Variants in NTRK2 observed in about 807,000 individuals in gnomAD.
NTRK2 encodes neurotrophic receptor tyrosine kinase 2, also known as BDNF/NT-3 growth factors receptor.
NTRK2 carries 13 observed loss-of-function variants against 94.5 expected under a neutral mutation model. The observed-to-expected ratio is 0.14, with a 90% confidence interval of 0.09 to 0.22. The LOEUF is 0.22. Ranked by LOEUF, NTRK2 falls within the 10% of genes least tolerant of loss-of-function variation. The pLI is 1.00. For synonymous variants in NTRK2, 372 were observed against 407.4 expected (o/e 0.91, Z 1.05); for missense variants, 639 against 1,071.2 (o/e 0.60, Z 5.63).
intron 17 of NTRK2, among the ~76,000 whole-genome samples, chr9:85,013,777 C>G (rs1831904300): frequency 3.9e-5 from 6 of 152,204 alleles, no homozygotes. Flanking sequence ...AAGCCTCTGA[C>G]AGCTAATCAT....
chr9:84,981,242 A>T (rs994067892), intron 17 of NTRK2, among the ~76,000 whole-genome samples: 21 of 139,178 alleles, frequency 1.5e-4, no homozygotes, highest in African/African-American at 5.6e-4. Context: ...CACCATGCCC[A>T]GCCGGTTTTG....
chr9:85,021,131 A>G (rs1444035347), intron 18 of NTRK2, 121 bp from the exon 19 acceptor site: 1 of 837,578 alleles, frequency 1.2e-6, no homozygotes, highest in Non-Finnish European at 2.0e-6. Context: ...TTCTGAGAAA[A>G]CAAAACCAAG....
intron 12 of NTRK2, chr9:84,811,607 G>A (rs1180399462): frequency 1.9e-6 from 2 of 1,065,418 alleles, no homozygotes; most frequent in African/African-American, 3.3e-5. Context: ...AGCAGGAGAG[G>A]AGATTCTAAG....
intron 17 of NTRK2, among the ~76,000 whole-genome samples, chr9:85,013,658 G>T (rs769781605): frequency 1.3e-5 from 2 of 152,138 alleles, no homozygotes; most frequent in African/African-American, 2.4e-5. Flanking sequence ...AAGTTTAAAG[G>T]TTCATGAATT....
intron 12 of NTRK2, among the ~76,000 whole-genome samples, chr9:84,807,336 A>G (rs1377818809): frequency 1.3e-5 from 2 of 152,194 alleles, no homozygotes; most frequent in African/African-American, 4.8e-5. Flanking sequence ...GAAAAGGTCA[A>G]TGAGTAGATC....
intron 12 of NTRK2, among the ~76,000 whole-genome samples, chr9:84,825,973 G>A (rs2073158560): frequency 6.6e-6 from 1 of 152,204 alleles, no homozygotes; most frequent in African/African-American, 2.4e-5. Flanking sequence ...ATAGCTGAAA[G>A]GCTGAATCAG....
intron 2 of NTRK2, among the ~76,000 whole-genome samples, chr9:84,692,700 C>T (rs538543489): frequency 1.4e-3 from 219 of 152,092 alleles, no homozygotes; most frequent in African/African-American, 5.0e-3. Context: ...CTCCTGACCT[C>T]GGGTGATCTG....
chr9:84,829,140 A>T (rs2073373743), intron 12 of NTRK2, among the ~76,000 whole-genome samples: 1 of 152,072 alleles, frequency 6.6e-6, no homozygotes, highest in South Asian at 2.1e-4. Flanking sequence ...CTGGGATTAC[A>T]GGCGGGTGCC....
intron 6 of NTRK2, among the ~76,000 whole-genome samples, chr9:84,719,010 TTCTC>T (rs1251589835): frequency 2.0e-5 from 3 of 152,142 alleles, no homozygotes; most frequent in African/African-American, 7.2e-5. Flanking sequence ...GTGATACAAT[TTCTC>T]TATAAATAAA....
chr9:84,874,399 C>T, intron 14 of NTRK2: 1 of 1,065,498 alleles, frequency 9.4e-7, no homozygotes, highest in African/African-American at 1.6e-5. Context: ...TTTTCTCTGT[C>T]TTTACTAATT....
At chr9:84,968,174 C>T (rs1825775842) in intron 17 of NTRK2, among the ~76,000 whole-genome samples, 2 of 152,122 alleles carry the variant, frequency 1.3e-5, no homozygotes, top group South Asian at 4.2e-4. Context: ...CCTGAAGTGC[C>T]CTCCCTTATG....
At chr9:84,933,479 G>A (rs1396918925) in intron 14 of NTRK2, among the ~76,000 whole-genome samples, 1 of 152,174 alleles carries the variant, frequency 6.6e-6, no homozygotes, top group Non-Finnish European at 1.5e-5. Flanking sequence ...TCTTGTCCTG[G>A]GATTCATCTG....
At chr9:84,964,367 C>T (rs1012635801) in intron 17 of NTRK2, among the ~76,000 whole-genome samples, 4 of 152,184 alleles carry the variant, frequency 2.6e-5, no homozygotes, top group East Asian at 1.9e-4. Context: ...CCCATGAATC[C>T]GGAGGTCCTC....
Position 84,727,811 on chromosome 9 carries a change from C to G in NTRK2, c.1011C>G (p.Thr337=), listed in dbSNP as rs373343021. 1.2e-6 allele frequency: 2 copies of G among 1,614,118 alleles called. No individual in the cohort carries two copies. The highest frequency in any genetic ancestry group is 1.7e-6 in the Non-Finnish European group (2 of 1,180,028). The change falls in exon 9 of 19, where the codon ACC becomes ACG. Residue 337 remains threonine, a synonymous_variant. Coordinates refer to ENST00000277120, the MANE Select transcript of NTRK2 (RefSeq NM_006180.6). ...ACATCTGTACTAAAATACATGTTAC[C>G]AATCACACGGAGTACCACGGCTGCC... ...SKYICTKIHV[T]NHTEYHGCLQ...
intron 12 of NTRK2, among the ~76,000 whole-genome samples, chr9:84,756,162 T>G (rs1463083332): frequency 6.6e-6 from 1 of 152,224 alleles, no homozygotes; most frequent in Non-Finnish European, 1.5e-5. Context: ...ATCCCTTTTC[T>G]TCTAAGGCTG....
rs1203987715 is a variant in NTRK2, at chr9:85,026,072, G to GTATT, written c.*4651_*4654dup. On this transcript the variant is annotated 3_prime_UTR_variant, in exon 19 of 19. Transcript: ENST00000277120. ...CTTTGACCTTTATTTATTTAATTAT[G>GTATT]TATTTATTTATTTATTTATATACTT... The GTATT allele has an allele frequency of 3.6e-5, 8 of 221,168 alleles. No homozygotes were observed. Among genetic ancestry groups the GTATT allele is most frequent in the South Asian group, 3.7e-4 (2 of 5,390 alleles). The allele number at this position is 221,168 out of a possible 1,614,324, so 13.7% of individuals were successfully genotyped here. A position where few individuals can be genotyped will look rare whatever the true frequency, so the allele number is the denominator to read the frequency against.
intron 17 of NTRK2, among the ~76,000 whole-genome samples, chr9:84,983,168 G>T (rs60724351): frequency 0.22 from 33,254 of 152,126 alleles, 4,373 homozygotes; most frequent in African/African-American, 0.37. Context: ...AACAGCGTCT[G>T]ATACCAAATT....
At chr9:84,877,198 C>G in intron 14 of NTRK2, 1 of 1,065,260 alleles carries the variant, frequency 9.4e-7, no homozygotes, top group South Asian at 4.6e-5. Context: ...AGATTTGAGT[C>G]TAATGGCTGA....
chr9:84,672,270 A>G (rs536296952), intron 2 of NTRK2, among the ~76,000 whole-genome samples: 30 of 152,268 alleles, frequency 2.0e-4, no homozygotes, highest in African/African-American at 7.2e-4. Flanking sequence ...GCAGAGGGGA[A>G]TGTTCAGGCC....
Sources: allele counts gnomAD v4.1 joint callset (sites outside exome capture counted in the v4.1 genomes callset), GRCh38; gene constraint gnomAD v4.1.1; transcripts MANE v1.5; gene names NCBI Gene and HGNC (gene_info 2026-07-23, HGNC 2026-07-21).